HIGD1A: variants seen among roughly 807,000 people sequenced by gnomAD.
HIGD1A encodes the protein HIG1 hypoxia inducible domain family member 1A, also known as HIG1 domain family member 1A, mitochondrial.
HIGD1A carries 8 observed loss-of-function variants against 11.3 expected under a neutral mutation model. That is an observed-to-expected ratio of 0.71 (90% CI 0.42 to 1.28). HIGD1A has a LOEUF of 1.28. Among genes scored for constraint, HIGD1A ranks in the 50% most tolerant of loss-of-function variants. The pLI, the probability that HIGD1A is intolerant of heterozygous loss-of-function variation, is 0.01. For synonymous variants in HIGD1A, 32 were observed against 38.4 expected (o/e 0.83, Z 0.62); for missense variants, 107 against 118.8 (o/e 0.90, Z 0.46).
rs1265220631 is a variant in HIGD1A, at chr3:42,783,227, A to G, written c.*2044T>C. On this transcript the variant is annotated 3_prime_UTR_variant, in exon 4 of 4. Coordinates refer to ENST00000321331, the MANE Select transcript of HIGD1A (RefSeq NM_014056.4). ...TACAACAAAAATTGAGAGAAAAGGA[A>G]AAGAAAGTGGAAGTTCACTGATACA... Among the ~76,000 whole-genome samples the G allele has an allele frequency of 1.3e-5, 2 of 152,230 alleles. No homozygotes were observed. The highest frequency in any genetic ancestry group is 2.9e-5 in the Non-Finnish European group (2 of 68,038).
At position 42,801,970 on chromosome 3, in the gene HIGD1A, C is replaced by T. The variant is rs566684210; in HGVS notation, c.-23+2466G>A. Among the ~76,000 whole-genome samples, 586 of 152,228 alleles carry T rather than the reference C, an allele frequency of 3.8e-3. 7 individuals are homozygous for T. The highest frequency in any genetic ancestry group is 0.013 in the African/African-American group (520 of 41,542). On this transcript the variant is annotated intron_variant, in intron 1 of 3. Transcript: ENST00000321331. ...GCTTGAGCCTGGAAAGTGGAGGTTG[C>T]GGTGAGCCATGATCCAGCCACTGCA... is the stretch of plus-strand genomic sequence containing the variant.
intron 1 of HIGD1A, among the ~76,000 whole-genome samples, chr3:42,796,473 G>A (rs1700501603): frequency 6.7e-6 from 1 of 149,986 alleles, no homozygotes; most frequent in South Asian, 2.1e-4. Context: ...TCATGTAACC[G>A]CCAAACAGGT....
At chr3:42,788,410 G>A (rs1377291650) in intron 2 of HIGD1A, among the ~76,000 whole-genome samples, 1 of 152,132 alleles carries the variant, frequency 6.6e-6, no homozygotes, top group African/African-American at 2.4e-5. Flanking sequence ...GGCAATCCAT[G>A]CTTTATCCCC....
At chr3:42,794,648 T>C (rs1002148391) in intron 1 of HIGD1A, among the ~76,000 whole-genome samples, 6 of 152,238 alleles carry the variant, frequency 3.9e-5, no homozygotes, top group Non-Finnish European at 8.8e-5. Context: ...AATTTTAAGT[T>C]ACTCAAACCA....
chr3:42,803,223 T>TGAAG (rs1249791102), intron 1 of HIGD1A, among the ~76,000 whole-genome samples: 1 of 152,218 alleles, frequency 6.6e-6, no homozygotes, highest in Non-Finnish European at 1.5e-5. Flanking sequence ...AAGACACGAC[T>TGAAG]GAAGACCTTT....
chr3:42,800,636 CT>C (rs140588443), intron 1 of HIGD1A, among the ~76,000 whole-genome samples: 93 of 150,320 alleles, frequency 6.2e-4, no homozygotes, highest in Middle Eastern at 3.4e-3. Flanking sequence ...AGTTACAAAA[CT>C]TTTTTTTTAA....
intron 1 of HIGD1A, among the ~76,000 whole-genome samples, chr3:42,801,297 T>C (rs1213233616): frequency 6.6e-6 from 1 of 152,240 alleles, no homozygotes; most frequent in Admixed American, 6.5e-5. Context: ...CACATCTTAA[T>C]TGACCTCCTC....
chr3:42,801,809 T>TCC (rs985372691), intron 1 of HIGD1A, among the ~76,000 whole-genome samples: 2 of 152,352 alleles, frequency 1.3e-5, no homozygotes, highest in Non-Finnish European at 2.9e-5. Flanking sequence ...AAGCATGTTT[T>TCC]CCCCTTTTTT....
At chr3:42,804,074 C>G (rs1311858161) in intron 1 of HIGD1A, 2 of 1,288,348 alleles carry the variant, frequency 1.6e-6, no homozygotes, top group Middle Eastern at 1.9e-4. Flanking sequence ...GGGAAGCTCC[C>G]GCTCCTCGCT....
At chr3:42,803,622 G>T (rs1009601122) in intron 1 of HIGD1A, among the ~76,000 whole-genome samples, 2 of 152,206 alleles carry the variant, frequency 1.3e-5, no homozygotes, top group Admixed American at 6.5e-5. Flanking sequence ...ACTCCAAAGT[G>T]CCTTTGTACT....
intron 2 of HIGD1A, among the ~76,000 whole-genome samples, chr3:42,793,678 T>C (rs1374716382): frequency 6.6e-6 from 1 of 152,170 alleles, no homozygotes. Flanking sequence ...TAAGACTCAA[T>C]AAAATAAGAA....
At position 42,783,984 on chromosome 3, in the gene HIGD1A, G is replaced by C. The variant is rs1700315294; in HGVS notation, c.*1287C>G. Reference sequence around the variant, plus strand: ...ACAGCTACTCAGGAGGCTGAGGCAAGAGAATCACTTGAACCTGGGGGATGG... The same window carrying C: ...ACAGCTACTCAGGAGGCTGAGGCAACAGAATCACTTGAACCTGGGGGATGG... On this transcript the variant is annotated 3_prime_UTR_variant, in exon 4 of 4. Transcript: ENST00000321331. Among the ~76,000 whole-genome samples the C allele has an allele frequency of 2.7e-5, 4 of 150,868 alleles. No individual in the cohort carries two copies. In the Admixed American group the frequency reaches 2.7e-4, roughly 10 times the overall value.
intron 1 of HIGD1A, among the ~76,000 whole-genome samples, chr3:42,800,123 C>T (rs1183791025): frequency 3.8e-4 from 58 of 151,888 alleles, no homozygotes; most frequent in Non-Finnish European, 7.4e-5. Flanking sequence ...GTCAGGAGTT[C>T]GAAACCAGCC....
intron 1 of HIGD1A, 95 bp downstream of exon 1, chr3:42,804,341 C>G (rs1028053224): frequency 2.8e-5 from 20 of 721,704 alleles, no homozygotes; most frequent in Non-Finnish European, 4.2e-5. Flanking sequence ...GCCCCCACCC[C>G]CAAAGTCCTT....
intron 1 of HIGD1A, 131 bp downstream of exon 1, chr3:42,804,305 T>C: frequency 1.2e-5 from 12 of 1,022,846 alleles, no homozygotes; most frequent in Non-Finnish European, 1.7e-5. Context: ...CCACCTCTCC[T>C]CCCTCATTCG....
At position 42,794,256 on chromosome 3, in the gene HIGD1A, T is replaced by TGATTGCTTG; in HGVS notation, c.-12_-4dup. The TGATTGCTTG allele has an allele frequency of 6.3e-7, 1 of 1,588,056 alleles. No homozygotes were observed. The highest frequency in any genetic ancestry group is 8.5e-7 in the Non-Finnish European group (1 of 1,172,110). ...GAAACACCTGTGTCTGTTGACATAG[T>TGATTGCTTG]GATTGCTTGAAGAATCTCCCTGAGA... On this transcript the variant is annotated 5_prime_UTR_variant, in exon 2 of 4. Coordinates refer to ENST00000321331, the MANE Select transcript of HIGD1A (RefSeq NM_014056.4).
chr3:42,789,168 G>A (rs1379088596), intron 2 of HIGD1A, among the ~76,000 whole-genome samples: 3 of 150,900 alleles, frequency 2.0e-5, no homozygotes, highest in Non-Finnish European at 4.4e-5. Flanking sequence ...AGCTTCCCGA[G>A]TAGCTGGGAT....
intron 1 of HIGD1A, among the ~76,000 whole-genome samples, chr3:42,796,985 C>CTTT (rs1455535157): frequency 4.1e-4 from 1 of 2,428 alleles, no homozygotes; most frequent in African/African-American, 4.3e-4. Flanking sequence ...TCTCCCTCTC[C>CTTT]CCACGGTCTC....
Position 42,782,970 on chromosome 3 carries a change from C to A in HIGD1A, c.*2301G>T, listed in dbSNP as rs1700298539. Among the ~76,000 whole-genome samples the A allele has an allele frequency of 6.6e-6, 1 of 152,128 alleles. No individual in the cohort carries two copies. Reference sequence around the variant, plus strand: ...ATGAACTGAGAATTGTATTATCTAGCCAAATTGTTTTTACTGTGTAAAGGC... The same window carrying A: ...ATGAACTGAGAATTGTATTATCTAGACAAATTGTTTTTACTGTGTAAAGGC... On this transcript the variant is annotated 3_prime_UTR_variant, in exon 4 of 4. Coordinates refer to ENST00000321331, the MANE Select transcript of HIGD1A (RefSeq NM_014056.4).
Sources: gnomAD v4.1 joint callset for allele counts (sites outside exome capture counted in the v4.1 genomes callset) on GRCh38, gnomAD v4.1.1 for gene constraint, MANE v1.5 for transcripts, NCBI Gene and HGNC (gene_info 2026-07-23, HGNC 2026-07-21) for gene names.